RPS6KC1: variants seen among roughly 807,000 people sequenced by gnomAD.
RPS6KC1 encodes the protein inactive ribosomal protein S6 kinase delta-1.
Under a neutral mutation model 103.8 loss-of-function variants are expected in RPS6KC1, and 54 were observed. The observed-to-expected ratio is 0.52, with a 90% CI of 0.42 to 0.65. The LOEUF (loss-of-function observed/expected upper bound fraction) is 0.65. RPS6KC1 is among the 30% of genes least tolerant of loss of function. The pLI, the probability that RPS6KC1 is intolerant of heterozygous loss-of-function variation, is 0.00. For missense variants in RPS6KC1, 1,151 were observed against 1,253.8 expected, an observed-to-expected ratio of 0.92 and a Z score of 1.24; for synonymous variants, 439 against 438.7, an observed-to-expected ratio of 1.00 and a Z score of -0.01.
intron 12 of RPS6KC1, among the ~76,000 whole-genome samples, chr1:213,245,159 C>T (rs2094434163): frequency 6.6e-6 from 1 of 152,176 alleles, no homozygotes; most frequent in South Asian, 2.1e-4. Flanking sequence ...TTGTGAATTA[C>T]TGTTTGCTCC....
chr1:213,488,886 A>G, the RPS6KC1 span, among the ~76,000 whole-genome samples: 6 of 152,350 alleles, frequency 3.9e-5, no homozygotes, highest in South Asian at 1.2e-3. Context: ...AAATACTGAC[A>G]TACTCTAGAA....
the RPS6KC1 span, among the ~76,000 whole-genome samples, chr1:213,616,001 A>C: frequency 1.3e-5 from 2 of 152,106 alleles, no homozygotes; most frequent in African/African-American, 4.8e-5. Flanking sequence ...AGTGGGCAAA[A>C]CCCCTCATGG....
intron 4 of RPS6KC1, among the ~76,000 whole-genome samples, chr1:213,115,552 C>A (rs1313296052): frequency 2.0e-5 from 3 of 152,090 alleles, no homozygotes; most frequent in Non-Finnish European, 4.4e-5. Flanking sequence ...TCTCTATTTC[C>A]TTCAGTTCTG....
chr1:213,590,658 C>T, the RPS6KC1 span, among the ~76,000 whole-genome samples: 3 of 152,148 alleles, frequency 2.0e-5, no homozygotes, highest in African/African-American at 7.2e-5. Context: ...TCAAAGTGAG[C>T]TGCTCTAGAA....
chr1:213,199,544 T>C (rs1244301736), intron 8 of RPS6KC1, among the ~76,000 whole-genome samples: 4 of 152,214 alleles, frequency 2.6e-5, no homozygotes, highest in Admixed American at 6.5e-5. Context: ...AACCTCGTCC[T>C]GAATGGGCAA....
the RPS6KC1 span, among the ~76,000 whole-genome samples, chr1:213,594,064 C>T: frequency 6.6e-6 from 1 of 152,062 alleles, no homozygotes; most frequent in African/African-American, 2.4e-5. Flanking sequence ...TGGCTTTTGC[C>T]AAGTTGGCCA....
intron 6 of RPS6KC1, among the ~76,000 whole-genome samples, chr1:213,139,509 G>A (rs1210323098): frequency 6.6e-6 from 1 of 151,878 alleles, no homozygotes; most frequent in Non-Finnish European, 1.5e-5. Context: ...ATCTTTAGTT[G>A]ATTTTTATAT....
chr1:213,668,466 T>C, the RPS6KC1 span, among the ~76,000 whole-genome samples: 2 of 125,770 alleles, frequency 1.6e-5, no homozygotes, highest in Non-Finnish European at 3.1e-5. Flanking sequence ...CAGTAAACCA[T>C]GCTGTAGACA....
At chr1:213,170,755 C>T (rs2148219392) in intron 7 of RPS6KC1, among the ~76,000 whole-genome samples, 1 of 152,284 alleles carries the variant, frequency 6.6e-6, no homozygotes, top group East Asian at 1.9e-4. Context: ...TGGCCAAGAG[C>T]ATCCTTGATT....
chr1:213,215,138 T>C (rs1319231420), intron 8 of RPS6KC1, among the ~76,000 whole-genome samples: 1 of 152,154 alleles, frequency 6.6e-6, no homozygotes, highest in Admixed American at 6.6e-5. Flanking sequence ...GAAAAAAGAT[T>C]AGACGAATGG....
At chr1:213,819,859 A>C in the RPS6KC1 span, 1 of 152,192 alleles carries the variant, frequency 6.6e-6, no homozygotes, top group Non-Finnish European at 1.5e-5. Context: ...TTGGGATGTA[A>C]AAGAAACATA....
the RPS6KC1 span, among the ~76,000 whole-genome samples, chr1:213,777,191 C>A: frequency 2.6e-5 from 4 of 152,134 alleles, no homozygotes; most frequent in Non-Finnish European, 5.9e-5. Flanking sequence ...TTCACATTCG[C>A]AAATTGGGTA....
intron 1 of RPS6KC1, among the ~76,000 whole-genome samples, chr1:213,051,887 T>C: frequency 6.6e-6 from 1 of 152,212 alleles, no homozygotes; most frequent in East Asian, 1.9e-4. Flanking sequence ...TTATGTATTG[T>C]TTGGCTTATG....
At chr1:213,120,214 C>T (rs2084226634) in intron 5 of RPS6KC1, among the ~76,000 whole-genome samples, 2 of 152,190 alleles carry the variant, frequency 1.3e-5, no homozygotes, top group African/African-American at 4.8e-5. Flanking sequence ...GTTACCATCT[C>T]TGAAACACAC....
chr1:213,680,712 A>G, the RPS6KC1 span, among the ~76,000 whole-genome samples: 1 of 152,172 alleles, frequency 6.6e-6, no homozygotes, highest in Non-Finnish European at 1.5e-5. Context: ...GACTGAATAT[A>G]TCTTCCAAGG....
chr1:213,854,641 A>G, the RPS6KC1 span, among the ~76,000 whole-genome samples: 1 of 149,952 alleles, frequency 6.7e-6, no homozygotes, highest in Admixed American at 6.7e-5. Flanking sequence ...ATTTAATGGT[A>G]CTACTTTCCA....
chr1:213,168,201 C>G (rs375107300), intron 7 of RPS6KC1, among the ~76,000 whole-genome samples: 1 of 152,086 alleles, frequency 6.6e-6, no homozygotes, highest in Non-Finnish European at 1.5e-5. Context: ...TCTTACTGTA[C>G]CCTTAATCTC....
Position 213,226,188 on chromosome 1 carries a change from A to G in RPS6KC1, c.1045-4309A>G, listed in dbSNP as rs2494768. On this transcript the variant is annotated intron_variant, in intron 8 of 14. Transcript: ENST00000366960. ...AAGTGAGCGGAGATCGCACCACTGC[A>G]CTCCAGCCTGGGCAACAAAGCAAGA... Among the ~76,000 whole-genome samples the G allele has an allele frequency of 7.9e-3, 1,160 of 147,422 alleles. 9 individuals carry two copies. The highest frequency in any genetic ancestry group is 0.027 in the African/African-American group (1,098 of 40,128).
chr1:213,602,534 G>A, the RPS6KC1 span, among the ~76,000 whole-genome samples: 1 of 151,908 alleles, frequency 6.6e-6, no homozygotes, highest in Non-Finnish European at 1.5e-5. Context: ...CGCCCGGCCT[G>A]GTGTTTCTAA....
Sources: allele counts gnomAD v4.1 joint callset (sites outside exome capture counted in the v4.1 genomes callset), GRCh38; gene constraint gnomAD v4.1.1; transcripts MANE v1.5; gene names NCBI Gene and HGNC (gene_info 2026-07-23, HGNC 2026-07-21).